Variants in FAM227A observed in about 807,000 individuals in gnomAD.
FAM227A encodes the protein family with sequence similarity 227 member A.
Under a neutral mutation model 74.7 loss-of-function variants are expected in FAM227A, and 80 were observed. The observed-to-expected ratio is 1.07, with a 90% CI of 0.89 to 1.29. The LOEUF is 1.29. FAM227A is among the 50% of genes most tolerant of loss of function. FAM227A has a pLI of 0.00. For synonymous variants in FAM227A, 237 were observed against 241.8 expected (o/e 0.98, Z 0.19); for missense variants, 654 against 683.4 (o/e 0.96, Z 0.48).
At chr22:38,634,221 C>CA (rs34039010) in intron 6 of FAM227A, among the ~76,000 whole-genome samples, 16,213 of 61,712 alleles carry the variant, frequency 0.26, 2,337 homozygotes, top group East Asian at 0.38. Context: ...GACTCTGTCT[C>CA]AAAAAAAAAA....
rs1016653545 is a variant in FAM227A at position 38,578,897 on chromosome 22, A to G, written c.*7228T>C. 4 of 152,240 alleles carry G rather than the reference A, an allele frequency of 2.6e-5. No individual in the cohort carries two copies. The highest frequency in any genetic ancestry group is 5.9e-5 in the Non-Finnish European group (4 of 68,048). The allele number at this position is 152,240 out of a possible 1,614,324, so 9.4% of individuals were successfully genotyped here. A position where few individuals can be genotyped will look rare whatever the true frequency, so the allele number is the denominator to read the frequency against. ...CCCAATAATGATCATGATAGCCAGTACATGCTGCACTTACCATGTGTCAGG... is the reference window on the plus strand; with the variant it reads ...CCCAATAATGATCATGATAGCCAGTGCATGCTGCACTTACCATGTGTCAGG... On this transcript the variant is annotated 3_prime_UTR_variant, in exon 17 of 17. Transcript: ENST00000535113.
chr22:38,594,734 G>A (rs757145189), intron 15 of FAM227A, among the ~76,000 whole-genome samples: 2 of 152,016 alleles, frequency 1.3e-5, no homozygotes, highest in Non-Finnish European at 1.5e-5. Context: ...AGGCTGAGGC[G>A]AGCAGATCAT....
Position 38,641,955 on chromosome 22 carries a change from G to A in FAM227A, c.226-2231C>T, listed in dbSNP as rs866522786. ...ACTCCTGCCTCCCGAAAAGGTGTGT[G>A]TGTGTGTGTGTGTGTGTGTGCGCAC... On this transcript the variant is annotated intron_variant, in intron 3 of 16. Transcript: ENST00000535113. Among the ~76,000 whole-genome samples, 155 of 140,596 alleles carry A rather than the reference G, an allele frequency of 1.1e-3. 3 individuals are homozygous for A. The highest frequency in any genetic ancestry group is 3.9e-3 in the African/African-American group (140 of 35,628). The allele number at this position is 140,596 out of a possible 152,430, so 92.2% of individuals were successfully genotyped here.
Position 38,631,038 on chromosome 22 carries a change from C to T in FAM227A, c.520-2103G>A, listed in dbSNP as rs550343840. ...CAAAAATTAGCCAGGTGTGGTGATGCGCATCTATAATCCCAGGCCCTTGAG... is the reference window on the plus strand; with the variant it reads ...CAAAAATTAGCCAGGTGTGGTGATGTGCATCTATAATCCCAGGCCCTTGAG... On this transcript the variant is annotated intron_variant, in intron 6 of 16. Coordinates refer to ENST00000535113, the MANE Select transcript of FAM227A (RefSeq NM_001013647.2). Among the ~76,000 whole-genome samples the T allele has an allele frequency of 4.6e-5, 7 of 152,224 alleles. No individual in the cohort carries two copies. In the South Asian group the frequency reaches 6.2e-4, roughly 14 times the overall value.
At chr22:38,654,411 G>A (rs1014358214) in intron 1 of FAM227A, among the ~76,000 whole-genome samples, 1 of 151,878 alleles carries the variant, frequency 6.6e-6, no homozygotes, top group Non-Finnish European at 1.5e-5. Context: ...TCCAAGCAGC[G>A]GGAAGTGAGG....
At chr22:38,636,917 C>A (rs540707962) in intron 5 of FAM227A, among the ~76,000 whole-genome samples, 2 of 151,924 alleles carry the variant, frequency 1.3e-5, no homozygotes, top group Non-Finnish European at 2.9e-5. Flanking sequence ...ATTACAGGTG[C>A]CCGCCACCAT....
At chr22:38,619,472 T>C (rs959622700) in intron 11 of FAM227A, among the ~76,000 whole-genome samples, 11 of 152,160 alleles carry the variant, frequency 7.2e-5, no homozygotes, top group African/African-American at 2.2e-4. Flanking sequence ...TACAGGTGCA[T>C]GGCACCAAGC....
intron 11 of FAM227A, among the ~76,000 whole-genome samples, chr22:38,612,558 C>T (rs770715148): frequency 1.1e-4 from 17 of 152,292 alleles, no homozygotes; most frequent in Non-Finnish European, 2.4e-4. Flanking sequence ...TTCTTCTCCA[C>T]ATATGTGAAA....
Position 38,581,881 on chromosome 22 carries a change from T to C in FAM227A, c.*4244A>G, listed in dbSNP as rs2090711549. ...CCTCAGCCTCCCTAGTAGCTAGGAC[T>C]ATAGGTATGCACTACCACATCGGAC... is the stretch of plus-strand genomic sequence containing the variant. On this transcript the variant is annotated 3_prime_UTR_variant, in exon 17 of 17. Transcript: ENST00000535113. 2 of 157,318 alleles carry C rather than the reference T, an allele frequency of 1.3e-5. No individual in the cohort carries two copies. The highest frequency in any genetic ancestry group is 1.3e-4 in the Admixed American group (2 of 15,672). 9.7% of individuals were successfully genotyped at this position (157,318 alleles called of 1,614,324 possible). A position where few individuals can be genotyped will look rare whatever the true frequency, so the allele number is the denominator to read the frequency against.
intron 2 of FAM227A, among the ~76,000 whole-genome samples, chr22:38,649,529 G>A (rs1369970726): frequency 4.7e-5 from 7 of 150,456 alleles, no homozygotes; most frequent in South Asian, 2.1e-4. Context: ...CTGCACCACC[G>A]CACTCCAGCC....
At chr22:38,633,557 GT>G (rs2091950622) in intron 6 of FAM227A, among the ~76,000 whole-genome samples, 1 of 152,016 alleles carries the variant, frequency 6.6e-6, no homozygotes, top group South Asian at 2.1e-4. Context: ...TTTTTTGTTT[GT>G]TTGAGATGGA....
chr22:38,655,863 C>A (rs1044366091), intron 1 of FAM227A, among the ~76,000 whole-genome samples: 2 of 152,142 alleles, frequency 1.3e-5, no homozygotes, highest in African/African-American at 4.8e-5. Context: ...TGCCCTGATA[C>A]ACCCACTAGG....
intron 8 of FAM227A, 87 bp downstream of exon 8, chr22:38,628,151 G>A: frequency 1.2e-6 from 1 of 810,072 alleles, no homozygotes; most frequent in Non-Finnish European, 2.1e-6. Flanking sequence ...ACTCCCTTAT[G>A]TAAAGAATGT....
In FAM227A at chr22:38,626,284, C is replaced by A. The variant is rs369607374; in HGVS notation, c.746G>T (p.Ser249Ile). 3.7e-5 allele frequency: 58 copies of A among 1,551,446 alleles called. 1 individual carries two copies. In the East Asian group the frequency reaches 1.4e-3, roughly 37 times the overall value. ...ACAGAAGCTGGTGTACACGGCTTTG[C>A]TGAGAAGTGATGGCAGCCTCTGCGG... ...ALLKRLPSLL[S>I]KAVYTSFCCC... The change falls in exon 9 of 17, where the codon AGC becomes ATC. Residue 249 changes from serine to isoleucine, a missense_variant. By Grantham distance (142) the Ser-to-Ile change is moderately radical. Transcript: ENST00000535113.
chr22:38,596,574 T>C (rs773509149), intron 15 of FAM227A, among the ~76,000 whole-genome samples: 1 of 152,072 alleles, frequency 6.6e-6, no homozygotes, highest in Non-Finnish European at 1.5e-5. Context: ...TTGGGGACAA[T>C]TGGGGAAATC....
chr22:38,626,434 C>T lies in FAM227A; in HGVS notation c.727-131G>A, dbSNP rs560802750. 39 of 1,142,806 alleles carry T rather than the reference C, an allele frequency of 3.4e-5. No individual in the cohort carries two copies. The East Asian group carries it at 7.2e-4, about 21-fold the overall frequency. 70.8% of individuals were successfully genotyped at this position (1,142,806 alleles called of 1,614,324 possible). A position where few individuals can be genotyped will look rare whatever the true frequency, so the allele number is the denominator to read the frequency against. ...TGTTGTTGTTTAGAGACAAGGTTCT[C>T]ACTGTGTTACCCAGGCTGGATTTGA... On this transcript the variant is annotated intron_variant, in intron 8 of 16. Coordinates refer to ENST00000535113, the MANE Select transcript of FAM227A (RefSeq NM_001013647.2).
At chr22:38,644,537 CTG>C (rs2092190163) in intron 3 of FAM227A, among the ~76,000 whole-genome samples, 1 of 152,026 alleles carries the variant, frequency 6.6e-6, no homozygotes, top group African/African-American at 2.4e-5. Flanking sequence ...CGAAACTATG[CTG>C]TGTGACACTA....
chr22:38,631,274 T>A (rs2091910708), intron 6 of FAM227A, among the ~76,000 whole-genome samples: 1 of 123,166 alleles, frequency 8.1e-6, no homozygotes, highest in Non-Finnish European at 1.9e-5. Context: ...TCCTAAGTGA[T>A]CTAACTCAGA....
At chr22:38,587,159 G>C (rs191960098) in intron 16 of FAM227A, among the ~76,000 whole-genome samples, 1 of 152,268 alleles carries the variant, frequency 6.6e-6, no homozygotes, top group East Asian at 1.9e-4. Context: ...AAATGCCTAT[G>C]TTTTAAAAAC....
Sources: allele counts gnomAD v4.1 joint callset (sites outside exome capture counted in the v4.1 genomes callset), GRCh38; gene constraint gnomAD v4.1.1; transcripts MANE v1.5; gene names NCBI Gene and HGNC (gene_info 2026-07-23, HGNC 2026-07-21).